The following NARF variants were observed in gnomAD, a reference collection of about 807,000 sequenced individuals.
The protein encoded by NARF is nuclear prelamin A recognition factor, also known as iron-only hydrogenase-like protein 2.
A neutral mutation model predicts 48.0 loss-of-function variants in NARF; 41 were observed. That is an observed-to-expected ratio of 0.85 (90% CI 0.66 to 1.11). The LOEUF (loss-of-function observed/expected upper bound fraction) is 1.11, where lower values mean the gene tolerates loss of function less well. Ranked by LOEUF, NARF falls within the 50% of genes least tolerant of loss-of-function variation. NARF has a pLI of 0.00. For missense variants in NARF, 613 were observed against 590.2 expected, an observed-to-expected ratio of 1.04 and a Z score of -0.40; for synonymous variants, 215 against 225.5, an observed-to-expected ratio of 0.95 and a Z score of 0.42.
chr17:82,467,784 A>AT (rs1212882380), intron 3 of NARF, among the ~76,000 whole-genome samples: 1 of 152,158 alleles, frequency 6.6e-6, no homozygotes, highest in Admixed American at 6.6e-5. Context: ...GATTACAGGT[A>AT]TGAGCCACCA....
chr17:82,461,611 A>G (rs2043440561), intron 2 of NARF, among the ~76,000 whole-genome samples: 1 of 152,112 alleles, frequency 6.6e-6, no homozygotes, highest in South Asian at 2.1e-4. Flanking sequence ...ACTCCGTCTC[A>G]AAAAAAAGAA....
chr17:82,459,942 A>T (rs2043392366), intron 1 of NARF, 50 bp from the exon 2 acceptor site: 2 of 1,378,648 alleles, frequency 1.5e-6, no homozygotes, highest in Admixed American at 1.7e-5. Context: ...ACATTTTCTT[A>T]AGGGAGACGA....
At chr17:82,460,423 C>T (rs1325331832) in intron 2 of NARF, 1 of 172,046 alleles carries the variant, frequency 5.8e-6, no homozygotes, top group African/African-American at 2.4e-5. Flanking sequence ...TGAGATTGTA[C>T]CACTGTACTT....
chr17:82,479,004 T>C (rs1193830611), intron 6 of NARF, 86 bp downstream of exon 6: 1 of 1,302,316 alleles, frequency 7.7e-7, no homozygotes, highest in Non-Finnish European at 1.1e-6. Context: ...TCCCCATCTG[T>C]CCAGCGTGGT....
At chr17:82,474,218 C>T (rs1305161312) in intron 5 of NARF, among the ~76,000 whole-genome samples, 1 of 152,054 alleles carries the variant, frequency 6.6e-6, no homozygotes, top group Non-Finnish European at 1.5e-5. Flanking sequence ...TACAACATAT[C>T]TCAGATGTAC....
intron 9 of NARF, among the ~76,000 whole-genome samples, chr17:82,485,291 A>G (rs9895051): frequency 0.037 from 5,613 of 152,084 alleles, 131 homozygotes; most frequent in South Asian, 0.072. Context: ...TGTGGTGGTG[A>G]GCGCCTATAG....
intron 5 of NARF, among the ~76,000 whole-genome samples, chr17:82,474,783 G>A (rs1027472068): frequency 6.6e-6 from 1 of 152,160 alleles, no homozygotes; most frequent in Admixed American, 6.6e-5. Context: ...TGTTCCATGG[G>A]CTGCATTGGT....
In NARF at chr17:82,460,026, A is replaced by G. The variant is rs1408489390; in HGVS notation, c.62A>G (p.Glu21Gly). The G allele has an allele frequency of 6.2e-7, 1 of 1,613,942 alleles. No individual in the cohort carries two copies. Among genetic ancestry groups the G allele is most frequent in the Admixed American group, 1.7e-5 (1 of 60,002 alleles). The change falls in exon 2 of 11, where the codon GAG (glutamate) becomes GGG (glycine). Residue 21 changes from glutamate to glycine, a missense_variant. By Grantham distance (98) the Glu-to-Gly change is moderately conservative. Coordinates refer to ENST00000309794, the MANE Select transcript of NARF (RefSeq NM_012336.4). Reference protein sequence around the residue: ...CSKKTKTDDQENVSADAPSPA... With the variant: ...CSKKTKTDDQGNVSADAPSPA... Reference sequence around the variant, plus strand: ...AAGAAAACAAAAACTGATGACCAAGAGAATGTGTCAGCCGATGCACCGAGT... The same window carrying G: ...AAGAAAACAAAAACTGATGACCAAGGGAATGTGTCAGCCGATGCACCGAGT...
chr17:82,480,972 A>T, intron 6 of NARF, 110 bp from the exon 7 acceptor site: 20 of 1,100,412 alleles, frequency 1.8e-5, no homozygotes, highest in Non-Finnish European at 2.5e-5. Context: ...CAGTGTCTGG[A>T]GGGCAGCAGC....
At chr17:82,463,390 T>C (rs1207367410) in intron 2 of NARF, 1 of 152,262 alleles carries the variant, frequency 6.6e-6, no homozygotes, top group African/African-American at 2.4e-5. Flanking sequence ...AGACTCCTGC[T>C]AGCAGTCAGC....
intron 10 of NARF, among the ~76,000 whole-genome samples, chr17:82,487,161 T>G (rs1276446162): frequency 1.3e-5 from 2 of 152,154 alleles, no homozygotes; most frequent in African/African-American, 2.4e-5. Context: ...GTAAAACCAT[T>G]TTATGGGTGA....
Position 82,488,057 on chromosome 17 carries a change from A to G in NARF, c.1271A>G (p.Glu424Gly), listed in dbSNP as rs2044136981. The change falls in exon 11 of 11, where the codon GAG becomes GGG. Residue 424 changes from glutamate to glycine, a missense_variant. Coordinates refer to ENST00000309794, the MANE Select transcript of NARF (RefSeq NM_012336.4). The stretch of plus-strand genomic sequence containing the variant: ...GCACACGTGCAGGAGCTGTACCAGG[A>G]GTGGCTGGAGGGGATCAACTCCCCC... Reference protein sequence around the residue: ...SSAHVQELYQEWLEGINSPKA... With the variant: ...SSAHVQELYQGWLEGINSPKA... The G allele has an allele frequency of 6.2e-7, 1 of 1,614,144 alleles. No individual in the cohort carries two copies. The highest frequency in any genetic ancestry group is 8.5e-7 in the Non-Finnish European group (1 of 1,180,038).
intron 1 of NARF, 169 bp downstream of exon 1, chr17:82,458,999 C>G: frequency 8.3e-7 from 1 of 1,212,106 alleles, no homozygotes; most frequent in Non-Finnish European, 1.0e-6. Flanking sequence ...GGCGCGGGGT[C>G]CGCTGCGCTC....
chr17:82,479,725 A>T (rs2043917348), intron 6 of NARF, among the ~76,000 whole-genome samples: 1 of 152,240 alleles, frequency 6.6e-6, no homozygotes, highest in African/African-American at 2.4e-5. Flanking sequence ...AAGTCAGCCT[A>T]AAAAGGCACG....
chr17:82,475,499 A>G (rs2143901865), intron 5 of NARF, among the ~76,000 whole-genome samples: 1 of 152,254 alleles, frequency 6.6e-6, no homozygotes, highest in South Asian at 2.1e-4. Flanking sequence ...CGGGAGGCTG[A>G]GGTGGGAGCT....
chr17:82,471,205 C>A (rs1024651153), intron 4 of NARF, among the ~76,000 whole-genome samples: 1 of 151,004 alleles, frequency 6.6e-6, no homozygotes, highest in African/African-American at 2.4e-5. Context: ...CCTGTAATCC[C>A]AGCACTTTGG....
chr17:82,487,796 A>AAG, intron 10 of NARF, 120 bp from the exon 11 acceptor site: 1 of 819,924 alleles, frequency 1.2e-6, no homozygotes, highest in Non-Finnish European at 1.9e-6. Context: ...CCCAATCTCT[A>AAG]CAAAAAATTT....
chr17:82,478,749 A>G, intron 5 of NARF, 51 bp from the exon 6 acceptor site: 1 of 1,545,804 alleles, frequency 6.5e-7, no homozygotes, highest in Non-Finnish European at 8.9e-7. Context: ...GCGTTACAGG[A>G]AGACCAGAGG....
intron 5 of NARF, among the ~76,000 whole-genome samples, chr17:82,475,869 A>G (rs1055135135): frequency 6.6e-6 from 1 of 152,222 alleles, no homozygotes; most frequent in Non-Finnish European, 1.5e-5. Flanking sequence ...CCATCCCAGT[A>G]GGACCTCTCA....
Sources: allele counts gnomAD v4.1 joint callset (sites outside exome capture counted in the v4.1 genomes callset), GRCh38; gene constraint gnomAD v4.1.1; transcripts MANE v1.5; gene names NCBI Gene and HGNC (gene_info 2026-07-23, HGNC 2026-07-21).